The following ACER3 variants were observed in gnomAD, a reference collection of about 807,000 sequenced individuals.
ACER3 encodes the protein alkCDase 3.
In ACER3, 16 loss-of-function variants were observed where a neutral mutation model predicts 48.9. That is an observed-to-expected ratio of 0.33 (90% CI 0.22 to 0.50). The LOEUF (loss-of-function observed/expected upper bound fraction) is 0.50, where lower values mean the gene tolerates loss of function less well. Among genes scored for constraint, ACER3 ranks in the 20% least tolerant of loss-of-function variants. ACER3 has a pLI of 0.98. For synonymous variants in ACER3, 109 were observed against 107.8 expected (o/e 1.01, Z -0.07); for missense variants, 227 against 326.0 (o/e 0.70, Z 2.34).
chr11:76,884,181 C>T (rs947772079), intron 1 of ACER3, among the ~76,000 whole-genome samples: 2 of 152,136 alleles, frequency 1.3e-5, no homozygotes, highest in African/African-American at 2.4e-5. Flanking sequence ...GCGGTAGACT[C>T]AAAGATTCCT....
chr11:76,912,168 T>A (rs1319596569), intron 1 of ACER3, among the ~76,000 whole-genome samples: 1 of 152,188 alleles, frequency 6.6e-6, no homozygotes, highest in Non-Finnish European at 1.5e-5. Context: ...AGAGTATTCC[T>A]TAAGTTCAGT....
At chr11:76,908,626 T>A (rs1366482573) in intron 1 of ACER3, among the ~76,000 whole-genome samples, 1 of 152,222 alleles carries the variant, frequency 6.6e-6, no homozygotes, top group Non-Finnish European at 1.5e-5. Flanking sequence ...AAACATTCCA[T>A]GCTCACAGAT....
chr11:77,010,522 A>G (rs1198942568), intron 7 of ACER3, among the ~76,000 whole-genome samples: 1 of 152,146 alleles, frequency 6.6e-6, no homozygotes, highest in African/African-American at 2.4e-5. Flanking sequence ...GGGAACCAAC[A>G]TCAAAAAGGA....
chr11:76,877,414 T>G (rs1590869697), intron 1 of ACER3, among the ~76,000 whole-genome samples: 2 of 152,294 alleles, frequency 1.3e-5, no homozygotes, highest in African/African-American at 4.8e-5. Flanking sequence ...ACTTATTCAT[T>G]TATACAAAAT....
intron 3 of ACER3, among the ~76,000 whole-genome samples, chr11:76,966,103 G>A (rs1386547602): frequency 1.3e-5 from 2 of 151,720 alleles, no homozygotes; most frequent in African/African-American, 2.4e-5. Context: ...AAAATAAAGG[G>A]ATGGAGGGAG....
chr11:76,921,684 CT>C (rs1187803908), intron 1 of ACER3, among the ~76,000 whole-genome samples: 1 of 152,008 alleles, frequency 6.6e-6, no homozygotes, highest in African/African-American at 2.4e-5. Flanking sequence ...TAAGAGTCAG[CT>C]TTTTAATTTG....
chr11:76,964,696 C>A (rs1948091226), intron 3 of ACER3, among the ~76,000 whole-genome samples: 1 of 151,362 alleles, frequency 6.6e-6, no homozygotes, highest in South Asian at 2.1e-4. Flanking sequence ...GATACCCAGG[C>A]AAACAGGGTC....
At position 76,942,729 on chromosome 11, in the gene ACER3, AT is replaced by A. The variant is rs1156405362; in HGVS notation, c.214+16068del. Among the ~76,000 whole-genome samples, 2 of 151,514 alleles carry A rather than the reference AT, an allele frequency of 1.3e-5. 1 individual carries two copies. Among genetic ancestry groups the A allele is most frequent in the South Asian group, 4.2e-4 (2 of 4,810 alleles). ...ATTAAGAAGAATTCCCTCCTCTTTGATTTTTTGGGTTAGTTTCAGGAGTATT... is the reference window on the plus strand; with the variant it reads ...ATTAAGAAGAATTCCCTCCTCTTTGATTTTTGGGTTAGTTTCAGGAGTATT... On this transcript the variant is annotated intron_variant, in intron 2 of 10. Transcript: ENST00000532485.
intron 2 of ACER3, among the ~76,000 whole-genome samples, chr11:76,937,638 T>C (rs1156389987): frequency 1.3e-5 from 2 of 152,134 alleles, no homozygotes; most frequent in East Asian, 3.8e-4. Context: ...AAAGAAAATA[T>C]ACACATTACT....
intron 4 of ACER3, among the ~76,000 whole-genome samples, chr11:76,978,223 G>T (rs1948494282): frequency 6.6e-6 from 1 of 152,192 alleles, no homozygotes; most frequent in Admixed American, 6.5e-5. Flanking sequence ...ACAGCCTGAA[G>T]CCTGGGGGCC....
rs1949548330 is a variant in ACER3, at chr11:77,026,249, TG to T, written c.*5923del. The T allele has an allele frequency of 2.1e-5, 2 of 93,488 alleles. No homozygotes were observed. The highest frequency in any genetic ancestry group is 8.1e-5 in the African/African-American group (2 of 24,782). The allele number at this position is 93,488 out of a possible 1,614,324, so 5.8% of individuals were successfully genotyped here. ...GGTAGTTGTCAAGCTGTGGTAGTCATGTACACTTTTTTTCTTTTTTTTAACT... is the reference window on the plus strand; with the variant it reads ...GGTAGTTGTCAAGCTGTGGTAGTCATTACACTTTTTTTCTTTTTTTTAACT... On this transcript the variant is annotated 3_prime_UTR_variant, in exon 11 of 11. Coordinates refer to ENST00000532485, the MANE Select transcript of ACER3 (RefSeq NM_018367.7).
chr11:77,008,611 TA>T (rs1949202141), intron 7 of ACER3, among the ~76,000 whole-genome samples: 1 of 152,242 alleles, frequency 6.6e-6, no homozygotes, highest in Admixed American at 6.5e-5. Context: ...TGCTTACCCA[TA>T]AATGTTTTTA....
chr11:76,900,495 C>T (rs974251600), intron 1 of ACER3, among the ~76,000 whole-genome samples: 6 of 152,068 alleles, frequency 3.9e-5, no homozygotes, highest in Admixed American at 3.3e-4. Context: ...GGGTCTATGT[C>T]GTAAAAGGAG....
chr11:77,005,987 ATATAT>A (rs1188766968), intron 7 of ACER3, among the ~76,000 whole-genome samples: 60 of 91,184 alleles, frequency 6.6e-4, no homozygotes, highest in African/African-American at 2.6e-3. Context: ...ATATATATAT[ATATAT>A]TTTTTTTTTT....
At chr11:76,989,687 A>G (rs780245114) in intron 5 of ACER3, among the ~76,000 whole-genome samples, 2 of 152,222 alleles carry the variant, frequency 1.3e-5, no homozygotes, top group Non-Finnish European at 2.9e-5. Flanking sequence ...GACAATAGTG[A>G]GACCAAATAG....
intron 3 of ACER3, among the ~76,000 whole-genome samples, chr11:76,972,896 G>A (rs1948343152): frequency 1.3e-5 from 2 of 152,218 alleles, no homozygotes; most frequent in Admixed American, 6.5e-5. Flanking sequence ...TCCCAAAGTG[G>A]CAACAATCTG....
intron 1 of ACER3, among the ~76,000 whole-genome samples, chr11:76,917,698 A>G (rs115732110): frequency 0.032 from 4,898 of 152,000 alleles, 92 homozygotes; most frequent in South Asian, 0.064. Flanking sequence ...CTCTACAGAA[A>G]AATTTTTTTT....
rs182982597 is a variant in ACER3, at chr11:76,992,292, T to C, written c.438+1718T>C. Among the ~76,000 whole-genome samples, 6 of 152,296 alleles carry C rather than the reference T, an allele frequency of 3.9e-5. No individual in the cohort carries two copies. In the East Asian group the frequency reaches 1.2e-3, roughly 29 times the overall value. On this transcript the variant is annotated intron_variant, in intron 6 of 10. Coordinates refer to ENST00000532485, the MANE Select transcript of ACER3 (RefSeq NM_018367.7). ...TTTTTATAAACTTGTTTGCCTTTAC[T>C]AAGAAAGAAAAATAATGACCACAAA... is the stretch of plus-strand genomic sequence containing the variant.
rs782517436 is a variant in ACER3 at position 77,022,016 on chromosome 11, T to C, written c.*1689T>C. 5 of 152,224 alleles carry C rather than the reference T, an allele frequency of 3.3e-5. No individual in the cohort carries two copies. Among genetic ancestry groups the C allele is most frequent in the African/African-American group, 7.2e-5 (3 of 41,448 alleles). 9.4% of individuals were successfully genotyped at this position (152,224 alleles called of 1,614,324 possible). ...TTTGAAGGCACAGCCCATAAGACTATACTTGATTTTGCCCCAAGATTCTGA... is the reference window on the plus strand; with the variant it reads ...TTTGAAGGCACAGCCCATAAGACTACACTTGATTTTGCCCCAAGATTCTGA... On this transcript the variant is annotated 3_prime_UTR_variant, in exon 11 of 11. Coordinates refer to ENST00000532485, the MANE Select transcript of ACER3 (RefSeq NM_018367.7).
Sources: gnomAD v4.1 joint callset for allele counts (sites outside exome capture counted in the v4.1 genomes callset) on GRCh38, gnomAD v4.1.1 for gene constraint, MANE v1.5 for transcripts, NCBI Gene and HGNC (gene_info 2026-07-23, HGNC 2026-07-21) for gene names.